The following SORCS3 variants were observed in gnomAD, a reference collection of about 807,000 sequenced individuals.
The protein encoded by SORCS3 is VPS10 domain-containing receptor SorCS3.
SORCS3 carries 57 observed loss-of-function variants against 146.3 expected under a neutral mutation model. The observed-to-expected ratio is 0.39, with a 90% confidence interval of 0.31 to 0.49. The LOEUF is 0.49. Among genes scored for constraint, SORCS3 ranks in the 20% least tolerant of loss-of-function variants. SORCS3 has a pLI of 0.92. For missense variants in SORCS3, 1,341 were observed against 1,575.5 expected (o/e 0.85, Z 2.52); for synonymous variants, 653 against 618.5 (o/e 1.06, Z -0.83).
chr10:104,691,079 C>T (rs2016105812), intron 1 of SORCS3, among the ~76,000 whole-genome samples: 1 of 152,216 alleles, frequency 6.6e-6, no homozygotes, highest in South Asian at 2.1e-4. Flanking sequence ...GCTTGTCCTG[C>T]AGTGCTGTTG....
At chr10:104,778,243 T>C (rs2017332617) in intron 1 of SORCS3, among the ~76,000 whole-genome samples, 1 of 152,192 alleles carries the variant, frequency 6.6e-6, no homozygotes, top group Non-Finnish European at 1.5e-5. Context: ...AACCATTCTA[T>C]ACCAATTAAC....
intron 4 of SORCS3, among the ~76,000 whole-genome samples, chr10:105,001,822 T>TGGA (rs2055063594): frequency 6.6e-6 from 1 of 152,214 alleles, no homozygotes. Context: ...AATATGTCTT[T>TGGA]CAATCCTTTG....
chr10:104,802,332 A>G (rs2017632778), intron 1 of SORCS3, among the ~76,000 whole-genome samples: 1 of 152,208 alleles, frequency 6.6e-6, no homozygotes, highest in Non-Finnish European at 1.5e-5. Flanking sequence ...AACAAAGATG[A>G]GATTTTATAG....
intron 4 of SORCS3, among the ~76,000 whole-genome samples, chr10:105,034,025 C>A (rs768203678): frequency 2.6e-5 from 4 of 152,062 alleles, no homozygotes; most frequent in Non-Finnish European, 5.9e-5. Flanking sequence ...CAGTATTAAG[C>A]ACTTGGGGTT....
intron 1 of SORCS3, among the ~76,000 whole-genome samples, chr10:104,728,745 G>GT (rs956178232): frequency 2.6e-5 from 4 of 152,146 alleles, no homozygotes; most frequent in African/African-American, 9.7e-5. Flanking sequence ...AAAAATCCTA[G>GT]TATCTGGCTG....
At chr10:105,226,080 C>T (rs1195388632) in intron 20 of SORCS3, among the ~76,000 whole-genome samples, 1 of 151,716 alleles carries the variant, frequency 6.6e-6, no homozygotes, top group East Asian at 1.9e-4. Context: ...CTGGTTAGGA[C>T]TTCCGGTCCT....
intron 4 of SORCS3, among the ~76,000 whole-genome samples, chr10:105,019,450 A>G (rs1053680381): frequency 6.6e-6 from 1 of 152,132 alleles, no homozygotes; most frequent in African/African-American, 2.4e-5. Context: ...TTTGAGTTGC[A>G]TTATTTTCTG....
intron 1 of SORCS3, among the ~76,000 whole-genome samples, chr10:104,714,291 C>A (rs1192162254): frequency 6.6e-6 from 1 of 151,848 alleles, no homozygotes; most frequent in Non-Finnish European, 1.5e-5. Flanking sequence ...TTTTTCTCAC[C>A]TGCTTTAAGC....
chr10:104,753,672 A>G (rs1589485955), intron 1 of SORCS3, among the ~76,000 whole-genome samples: 1 of 152,224 alleles, frequency 6.6e-6, no homozygotes, highest in East Asian at 1.9e-4. Context: ...GTTTTAAAAT[A>G]CACTAACTTT....
chr10:104,740,341 A>C (rs1186218329), intron 1 of SORCS3, among the ~76,000 whole-genome samples: 1 of 152,234 alleles, frequency 6.6e-6, no homozygotes, highest in Non-Finnish European at 1.5e-5. Flanking sequence ...TCTCAAAAGT[A>C]GGAAGTTATC....
intron 5 of SORCS3, among the ~76,000 whole-genome samples, chr10:105,070,196 A>T (rs1257711554): frequency 6.6e-6 from 1 of 152,240 alleles, no homozygotes; most frequent in Non-Finnish European, 1.5e-5. Flanking sequence ...TTAGGAAAAA[A>T]GGTATGGACA....
intron 7 of SORCS3, among the ~76,000 whole-genome samples, chr10:105,112,578 G>A (rs1465794405): frequency 6.6e-6 from 1 of 152,112 alleles, no homozygotes; most frequent in Non-Finnish European, 1.5e-5. Flanking sequence ...AGAGGAGGTG[G>A]TTTTCTACCT....
chr10:105,031,342 C>T (rs1373347482), intron 4 of SORCS3, among the ~76,000 whole-genome samples: 1 of 135,048 alleles, frequency 7.4e-6, no homozygotes, highest in Non-Finnish European at 1.5e-5. Flanking sequence ...AACACACACA[C>T]ACACACACAC....
chr10:105,263,195 A>C (rs1322806519), intron 26 of SORCS3, 115 bp from the exon 27 acceptor site: 4 of 908,112 alleles, frequency 4.4e-6, no homozygotes, highest in Non-Finnish European at 6.8e-6. Context: ...CTTTTAAATA[A>C]ATTCCTATTA....
intron 7 of SORCS3, among the ~76,000 whole-genome samples, chr10:105,132,157 G>C (rs1385670545): frequency 6.6e-6 from 1 of 152,064 alleles, no homozygotes; most frequent in Non-Finnish European, 1.5e-5. Flanking sequence ...GTGTATCTTT[G>C]AGTATGTTAT....
chr10:104,830,959 G>A (rs2017994116), intron 1 of SORCS3, among the ~76,000 whole-genome samples: 1 of 151,878 alleles, frequency 6.6e-6, no homozygotes, highest in Non-Finnish European at 1.5e-5. Flanking sequence ...CCACAGATGT[G>A]TGCCACCATG....
At chr10:104,932,049 A>G (rs2019213793) in intron 3 of SORCS3, among the ~76,000 whole-genome samples, 1 of 152,190 alleles carries the variant, frequency 6.6e-6, no homozygotes, top group African/African-American at 2.4e-5. Context: ...CTCAGCTTGA[A>G]ATAATGAACT....
chr10:104,905,772 G>A lies in SORCS3; in HGVS notation c.696-10061G>A, dbSNP rs2018898586. Among the ~76,000 whole-genome samples, 3 of 152,194 alleles carry A rather than the reference G, an allele frequency of 2.0e-5. No individual in the cohort carries two copies. In the South Asian group the frequency reaches 6.2e-4, roughly 32 times the overall value. On this transcript the variant is annotated intron_variant, in intron 2 of 26. Transcript: ENST00000369701. Reference sequence around the variant, plus strand: ...AAAGATGCTGAGCACTGGGAAAGCAGAGGCAGGTGAGATGAGAGGCTCCGT... The same window carrying A: ...AAAGATGCTGAGCACTGGGAAAGCAAAGGCAGGTGAGATGAGAGGCTCCGT...
chr10:105,074,433 G>C (rs2055576302), intron 5 of SORCS3, among the ~76,000 whole-genome samples: 1 of 152,162 alleles, frequency 6.6e-6, no homozygotes, highest in African/African-American at 2.4e-5. Context: ...TATCATGGTG[G>C]GCACAGCAGC....
Sources: gnomAD v4.1 joint callset for allele counts (sites outside exome capture counted in the v4.1 genomes callset) on GRCh38, gnomAD v4.1.1 for gene constraint, MANE v1.5 for transcripts, NCBI Gene and HGNC (gene_info 2026-07-23, HGNC 2026-07-21) for gene names.